Variants in MAPK10 observed in about 807,000 individuals in gnomAD.
MAPK10 encodes JNK3 alpha protein kinase.
Under a neutral mutation model 59.3 loss-of-function variants are expected in MAPK10, and 25 were observed. That is an observed-to-expected ratio of 0.42 (90% CI 0.31 to 0.59). The LOEUF is 0.59. Ranked by LOEUF, MAPK10 falls within the 20% of genes least tolerant of loss-of-function variation. The pLI, the probability that MAPK10 is intolerant of heterozygous loss-of-function variation, is 0.15. For synonymous variants in MAPK10, 190 were observed against 200.5 expected, an observed-to-expected ratio of 0.95 and a Z score of 0.44; for missense variants, 351 against 568.9, an observed-to-expected ratio of 0.62 and a Z score of 3.90.
intron 9 of MAPK10, among the ~76,000 whole-genome samples, chr4:86,069,858 A>G (rs1241643920): frequency 6.6e-6 from 1 of 152,126 alleles, no homozygotes; most frequent in Non-Finnish European, 1.5e-5. Context: ...TACATTTGCT[A>G]TAATTATAAA....
chr4:86,318,605 G>A (rs1174883112), intron 2 of MAPK10, among the ~76,000 whole-genome samples: 3 of 152,076 alleles, frequency 2.0e-5, no homozygotes, highest in Non-Finnish European at 2.9e-5. Flanking sequence ...AGAGATGACA[G>A]AAAGGCCTTG....
At chr4:86,176,971 A>G (rs1160714762) in intron 3 of MAPK10, among the ~76,000 whole-genome samples, 3 of 152,152 alleles carry the variant, frequency 2.0e-5, no homozygotes, top group African/African-American at 7.2e-5. Context: ...ATTAAAGCAG[A>G]TGTAGAAGAA....
intron 1 of MAPK10, among the ~76,000 whole-genome samples, chr4:86,359,438 A>C (rs1736327147): frequency 6.6e-6 from 1 of 151,610 alleles, no homozygotes; most frequent in Non-Finnish European, 1.5e-5. Context: ...TCCAAATGGA[A>C]AGGTTTCAAC....
chr4:86,529,286 C>A (rs1757695391), intron 1 of MAPK10, among the ~76,000 whole-genome samples: 1 of 152,140 alleles, frequency 6.6e-6, no homozygotes, highest in South Asian at 2.1e-4. Context: ...CTCATTGCCC[C>A]CCACACTGCA....
At chr4:86,067,236 G>A (rs953430317) in intron 10 of MAPK10, among the ~76,000 whole-genome samples, 3 of 152,058 alleles carry the variant, frequency 2.0e-5, no homozygotes, top group African/African-American at 7.2e-5. Context: ...CTTCCTCCTA[G>A]GTTCAAGCGA....
rs1031521514 is a variant in MAPK10, at chr4:86,282,495, G to A, written c.-7+72035C>T. Among the ~76,000 whole-genome samples the A allele has an allele frequency of 2.1e-4, 32 of 152,072 alleles. 1 individual carries two copies. The highest frequency in any genetic ancestry group is 4.4e-5 in the Non-Finnish European group (3 of 68,012). On this transcript the variant is annotated intron_variant, in intron 2 of 13. Transcript: ENST00000641462. ...CAAACTAGCCAGAAAAAGTAGAAACGCCAATGGAGATCATTTAAAAAATTA... is the reference window on the plus strand; with the variant it reads ...CAAACTAGCCAGAAAAAGTAGAAACACCAATGGAGATCATTTAAAAAATTA...
intron 1 of MAPK10, among the ~76,000 whole-genome samples, chr4:86,387,455 G>A (rs527401108): frequency 2.6e-4 from 40 of 152,290 alleles, no homozygotes; most frequent in Middle Eastern, 6.8e-3. Flanking sequence ...TTTAGGTTGT[G>A]CAAGGCATAA....
intron 1 of MAPK10, among the ~76,000 whole-genome samples, chr4:86,484,262 C>T (rs1753817737): frequency 6.6e-6 from 1 of 152,184 alleles, no homozygotes; most frequent in Non-Finnish European, 1.5e-5. Context: ...TTATATAATT[C>T]ATTCTTATTT....
At chr4:86,485,788 T>C (rs1753938717) in intron 1 of MAPK10, among the ~76,000 whole-genome samples, 1 of 152,202 alleles carries the variant, frequency 6.6e-6, no homozygotes, top group African/African-American at 2.4e-5. Context: ...CTTAATTCAA[T>C]AGGACTATTG....
chr4:86,452,596 G>C (rs1026314581), intron 1 of MAPK10, among the ~76,000 whole-genome samples: 15 of 152,062 alleles, frequency 9.9e-5, no homozygotes, highest in Non-Finnish European at 2.1e-4. Flanking sequence ...AAATAATTAG[G>C]AAAATTGGCA....
At chr4:86,358,666 G>A (rs1465826188) in intron 1 of MAPK10, 4 of 151,688 alleles carry the variant, frequency 2.6e-5, no homozygotes, top group Admixed American at 1.3e-4. Flanking sequence ...TAAATGTTTG[G>A]GGAGGGTGAG....
chr4:86,542,780 C>A (rs72665744), intron 1 of MAPK10, among the ~76,000 whole-genome samples: 1 of 152,048 alleles, frequency 6.6e-6, no homozygotes, highest in Non-Finnish European at 1.5e-5. Context: ...ACAGACACTG[C>A]TTGCTTTGCT....
At chr4:86,408,064 C>A (rs1203001068) in intron 1 of MAPK10, among the ~76,000 whole-genome samples, 5 of 148,842 alleles carry the variant, frequency 3.4e-5, no homozygotes, top group East Asian at 2.0e-4. Flanking sequence ...CCCCCCACCC[C>A]CCGACAAGCC....
rs148243615 is a variant in MAPK10 at position 86,342,138 on chromosome 4, T to C, written c.-7+12392A>G. On this transcript the variant is annotated intron_variant, in intron 2 of 13. Coordinates refer to ENST00000641462, the MANE Select transcript of MAPK10 (RefSeq NM_138982.4). ...ACTAGACACATCAAATGTTGTCCCA[T>C]CTCCATTTGCGTAGGGAAAAGTCAG... is the stretch of plus-strand genomic sequence containing the variant. 6.4e-4 allele frequency among the ~76,000 whole-genome samples: 97 copies of C among 152,254 alleles called. 1 individual carries two copies. In the East Asian group the frequency reaches 0.015, roughly 24 times the overall value.
At chr4:86,576,125 G>A (rs1761870065) in intron 1 of MAPK10, among the ~76,000 whole-genome samples, 2 of 151,846 alleles carry the variant, frequency 1.3e-5, no homozygotes, top group Admixed American at 6.6e-5. Flanking sequence ...CTGAGTAGCT[G>A]TGATTAAAGG....
chr4:86,328,184 T>C (rs543847311), intron 2 of MAPK10, among the ~76,000 whole-genome samples: 15 of 151,952 alleles, frequency 9.9e-5, no homozygotes, highest in African/African-American at 1.4e-4. Context: ...CATCAAAAAG[T>C]GGCAAAGGAT....
chr4:86,131,859 AAC>A (rs2061064711), intron 4 of MAPK10, among the ~76,000 whole-genome samples: 1 of 152,196 alleles, frequency 6.6e-6, no homozygotes, highest in Non-Finnish European at 1.5e-5. Flanking sequence ...ACACTGAGAA[AAC>A]ACAGCCAAAA....
chr4:86,158,541 GTA>G lies in MAPK10; in HGVS notation c.236+755_236+756del, dbSNP rs1326792156. ...ACATATATAAATATACATATTCAGG[GTA>G]CATGCCCTGAATTTTTACTTATCTG... On this transcript the variant is annotated intron_variant, in intron 4 of 13. Transcript: ENST00000641462. Among the ~76,000 whole-genome samples, 42 of 151,484 alleles carry G rather than the reference GTA, an allele frequency of 2.8e-4. No individual in the cohort carries two copies. The East Asian group carries it at 7.3e-3, about 26-fold the overall frequency.
At chr4:86,168,087 A>G (rs1164938450) in intron 3 of MAPK10, among the ~76,000 whole-genome samples, 1 of 152,206 alleles carries the variant, frequency 6.6e-6, no homozygotes, top group Admixed American at 6.5e-5. Flanking sequence ...GACAGCCAAG[A>G]TGGCCTAATA....
Sources: allele counts gnomAD v4.1 joint callset (sites outside exome capture counted in the v4.1 genomes callset), GRCh38; gene constraint gnomAD v4.1.1; transcripts MANE v1.5; gene names NCBI Gene and HGNC (gene_info 2026-07-23, HGNC 2026-07-21).